The following OR7E24 variants were observed in gnomAD, a reference collection of about 807,000 sequenced individuals.
The protein encoded by OR7E24 is olfactory receptor family 7 subfamily E member 24, also known as olfactory receptor 7E24.
For missense variants in OR7E24, 385 were observed against 410.3 expected, an observed-to-expected ratio of 0.94 and a Z score of 0.53; for synonymous variants, 130 against 157.5, an observed-to-expected ratio of 0.83 and a Z score of 1.31.
the OR7E24 span, among the ~76,000 whole-genome samples, chr19:9,236,345 A>G: frequency 6.6e-6 from 1 of 151,976 alleles, no homozygotes; most frequent in Non-Finnish European, 1.5e-5. Flanking sequence ...CCCTGTCTCT[A>G]CCAAAAACAC....
the OR7E24 span, among the ~76,000 whole-genome samples, chr19:9,241,554 C>A: frequency 1.3e-5 from 2 of 152,078 alleles, no homozygotes; most frequent in Admixed American, 1.3e-4. Flanking sequence ...CACTTGAGGT[C>A]ACGAGTTCAA....
the OR7E24 span, chr19:9,236,241 G>A: frequency 6.5e-4 from 368 of 562,738 alleles, 4 homozygotes; most frequent in South Asian, 6.2e-3. Context: ...GGCCGGGCAC[G>A]GTGGCTTACA....
chr19:9,241,293 A>T, the OR7E24 span, among the ~76,000 whole-genome samples: 2 of 152,128 alleles, frequency 1.3e-5, no homozygotes, highest in East Asian at 3.8e-4. Flanking sequence ...AATCTGTCTA[A>T]GTGGTGGTTG....
At chr19:9,213,867 G>T in the OR7E24 span, 60 of 1,499,838 alleles carry the variant, frequency 4.0e-5, no homozygotes, top group Non-Finnish European at 5.3e-5. Flanking sequence ...GGGGTACGCA[G>T]TGTGTCCTCT....
At chr19:9,222,442 C>G in the OR7E24 span, among the ~76,000 whole-genome samples, 1 of 152,138 alleles carries the variant, frequency 6.6e-6, no homozygotes, top group East Asian at 1.9e-4. Flanking sequence ...CATGGGATAT[C>G]TTTCCATTTA....
the OR7E24 span, chr19:9,235,975 T>C: frequency 1.2e-6 from 2 of 1,609,984 alleles, no homozygotes; most frequent in Non-Finnish European, 1.7e-6. Context: ...CTCAGTGATG[T>C]ACGCCATGGT....
At chr19:9,218,023 A>G in the OR7E24 span, among the ~76,000 whole-genome samples, 1 of 152,200 alleles carries the variant, frequency 6.6e-6, no homozygotes, top group African/African-American at 2.4e-5. Flanking sequence ...AGAACATCCT[A>G]TATTCTTCCT....
At chr19:9,247,298 C>T, upstream of OR7E24, 1 of 392,164 alleles carries the variant, frequency 2.5e-6, no homozygotes, top group Non-Finnish European at 4.5e-6. Flanking sequence ...GCCCCCAAGG[C>T]CCTAGAATAG....
chr19:9,239,133 A>G, the OR7E24 span, among the ~76,000 whole-genome samples: 1 of 151,898 alleles, frequency 6.6e-6, no homozygotes, highest in Non-Finnish European at 1.5e-5. Context: ...ACAGTATGCA[A>G]TGTCCCTTTT....
At chr19:9,212,762 T>A in the OR7E24 span, 1 of 152,108 alleles carries the variant, frequency 6.6e-6, no homozygotes, top group African/African-American at 2.4e-5. Context: ...TTGTGTTTGT[T>A]TTTGGTTTGA....
the OR7E24 span, chr19:9,213,798 A>G: frequency 1.2e-6 from 1 of 817,970 alleles, no homozygotes; most frequent in Non-Finnish European, 2.0e-6. Context: ...ATCCCACATC[A>G]AGCACATTTT....
chr19:9,227,799 G>T, the OR7E24 span, among the ~76,000 whole-genome samples: 260 of 142,536 alleles, frequency 1.8e-3, 1 homozygote, highest in African/African-American at 6.6e-3. Flanking sequence ...TGTCGCCCAG[G>T]CTGGAGTGCA....
upstream of OR7E24, among the ~76,000 whole-genome samples, chr19:9,243,019 A>C (rs2066120334): frequency 6.6e-6 from 1 of 152,146 alleles, no homozygotes; most frequent in Admixed American, 6.6e-5. Flanking sequence ...TGTAATAATT[A>C]TACGATAGAA....
chr19:9,240,363 C>T, the OR7E24 span, among the ~76,000 whole-genome samples: 3 of 152,056 alleles, frequency 2.0e-5, no homozygotes, highest in Non-Finnish European at 4.4e-5. Flanking sequence ...AGGATTATTC[C>T]TATGTTTTCT....
At chr19:9,248,099 G>A (rs1283764100), upstream of OR7E24, among the ~76,000 whole-genome samples, 1 of 152,090 alleles carries the variant, frequency 6.6e-6, no homozygotes, top group Admixed American at 6.5e-5. Context: ...CATGCTGATT[G>A]AACTTCCCAT....
upstream of OR7E24, among the ~76,000 whole-genome samples, chr19:9,242,504 C>T (rs1384265116): frequency 2.6e-5 from 4 of 152,160 alleles, no homozygotes; most frequent in Admixed American, 2.6e-4. Flanking sequence ...CCTGCCTCGG[C>T]CTCCCAAAGT....
upstream of OR7E24, among the ~76,000 whole-genome samples, chr19:9,247,980 G>A (rs1416084162): frequency 6.6e-6 from 1 of 152,166 alleles, no homozygotes; most frequent in African/African-American, 2.4e-5. Context: ...AGTTGTAGGA[G>A]TTCTTGGTGT....
the OR7E24 span, among the ~76,000 whole-genome samples, chr19:9,227,899 G>A: frequency 3.3e-5 from 5 of 149,574 alleles, no homozygotes; most frequent in Admixed American, 1.3e-4. Flanking sequence ...GACTACAGGC[G>A]CCCGCCACTA....
At chr19:9,214,884 G>A in the OR7E24 span, 1 of 1,161,178 alleles carries the variant, frequency 8.6e-7, no homozygotes, top group Non-Finnish European at 1.2e-6. Flanking sequence ...AACGTTTAAT[G>A]AACAGCAAGT....
Sources: gnomAD v4.1 joint callset for allele counts (sites outside exome capture counted in the v4.1 genomes callset) on GRCh38, gnomAD v4.1.1 for gene constraint, MANE v1.5 for transcripts, NCBI Gene and HGNC (gene_info 2026-07-23, HGNC 2026-07-21) for gene names.